ATRNL1: variants seen among roughly 807,000 people sequenced by gnomAD.
The protein encoded by ATRNL1 is attractin-like protein 1.
Under a neutral mutation model 182.7 loss-of-function variants are expected in ATRNL1, and 95 were observed. That is an observed-to-expected ratio of 0.52 (90% CI 0.44 to 0.62). The LOEUF (loss-of-function observed/expected upper bound fraction) is 0.62. Among genes scored for constraint, ATRNL1 ranks in the 20% least tolerant of loss-of-function variants. ATRNL1 has a pLI of 0.00. For synonymous variants in ATRNL1, 576 were observed against 568.3 expected (o/e 1.01, Z -0.19); for missense variants, 1,471 against 1,679.5 (o/e 0.88, Z 2.17).
chr10:115,679,809 G>T (rs1331469237), intron 26 of ATRNL1, among the ~76,000 whole-genome samples: 5 of 151,902 alleles, frequency 3.3e-5, no homozygotes, highest in African/African-American at 1.2e-4. Flanking sequence ...AAAATTGCAA[G>T]GCCTCAAATT....
chr10:115,572,134 A>T (rs996256976), intron 26 of ATRNL1, among the ~76,000 whole-genome samples: 4 of 152,178 alleles, frequency 2.6e-5, no homozygotes, highest in Non-Finnish European at 5.9e-5. Flanking sequence ...AATGACAGTT[A>T]TATTACTCTA....
At chr10:115,601,436 T>G (rs908907253) in intron 26 of ATRNL1, among the ~76,000 whole-genome samples, 1 of 152,220 alleles carries the variant, frequency 6.6e-6, no homozygotes. Flanking sequence ...GCTTATGTTC[T>G]GTCTGCTTAT....
intron 28 of ATRNL1, among the ~76,000 whole-genome samples, chr10:115,896,953 G>T (rs1952223674): frequency 6.6e-6 from 1 of 152,104 alleles, no homozygotes; most frequent in African/African-American, 2.4e-5. Context: ...GCTGGTGACT[G>T]CAACACTGAC....
intron 8 of ATRNL1, among the ~76,000 whole-genome samples, chr10:115,184,461 G>C (rs1179649332): frequency 2.7e-5 from 4 of 150,804 alleles, no homozygotes; most frequent in Non-Finnish European, 5.9e-5. Flanking sequence ...TAACTATGAA[G>C]TAGTAATATA....
intron 1 of ATRNL1, among the ~76,000 whole-genome samples, chr10:115,099,944 A>G (rs1370746060): frequency 2.0e-5 from 3 of 152,292 alleles, no homozygotes; most frequent in African/African-American, 7.2e-5. Context: ...TTTTAAATTG[A>G]TTAATTCCAG....
chr10:115,135,388 A>G (rs1433409393), intron 5 of ATRNL1, among the ~76,000 whole-genome samples: 4 of 152,230 alleles, frequency 2.6e-5, no homozygotes, highest in African/African-American at 9.6e-5. Flanking sequence ...TTATACACCA[A>G]TAACATTCAA....
rs201735786 is a variant in ATRNL1 at position 115,469,211 on chromosome 10, A to C, written c.3536A>C (p.Lys1179Thr). 7.2e-7 allele frequency: 1 copy of C among 1,386,240 alleles called. No individual in the cohort carries two copies. Among genetic ancestry groups the C allele is most frequent in the Non-Finnish European group, 9.6e-7 (1 of 1,038,710 alleles). The allele number at this position is 1,386,240 out of a possible 1,614,324, so 85.9% of individuals were successfully genotyped here. ...GGGGAAGAGACTTCTATAGTTTCCA[A>C]GAATAATATAAAGGAATACAGAGAT... ...ISGEETSIVS[K>T]NNIKEYRDSF... Residue 1179 changes from lysine to threonine, a missense_variant, in exon 24 of 29, where the codon AAG (lysine) becomes ACG (threonine). Physicochemically the swap from Lys to Thr is moderately conservative, Grantham distance 78. Around this residue, in one of 3 missense-constraint regions of ATRNL1, gnomAD observed 437 missense variants for 506.0 expected, o/e 0.86. Coordinates refer to ENST00000355044, the MANE Select transcript of ATRNL1 (RefSeq NM_207303.4).
intron 26 of ATRNL1, among the ~76,000 whole-genome samples, chr10:115,582,367 TAA>T (rs1555007929): frequency 1.4e-5 from 2 of 140,788 alleles, no homozygotes; most frequent in Non-Finnish European, 3.1e-5. Context: ...ACCAACAGTG[TAA>T]AAGTGTTCCT....
intron 20 of ATRNL1, among the ~76,000 whole-genome samples, chr10:115,424,240 C>T (rs1229605627): frequency 1.3e-5 from 2 of 152,112 alleles, no homozygotes; most frequent in Non-Finnish European, 2.9e-5. Context: ...TACCACCTCA[C>T]ACTAGTTAGA....
intron 20 of ATRNL1, among the ~76,000 whole-genome samples, chr10:115,400,060 TAA>T: frequency 6.6e-6 from 1 of 151,956 alleles, no homozygotes; most frequent in Non-Finnish European, 1.5e-5. Context: ...CTATCATCTA[TAA>T]GGAATTTAAA....
chr10:115,698,923 TAAACTA>T (rs1946648410), intron 26 of ATRNL1, among the ~76,000 whole-genome samples: 1 of 152,144 alleles, frequency 6.6e-6, no homozygotes, highest in African/African-American at 2.4e-5. Context: ...AGTAGCCAGA[TAAACTA>T]AATACACTAA....
At chr10:115,429,794 G>T (rs1419339078) in intron 21 of ATRNL1, among the ~76,000 whole-genome samples, 1 of 152,046 alleles carries the variant, frequency 6.6e-6, no homozygotes, top group Non-Finnish European at 1.5e-5. Context: ...CTGGCCGGGC[G>T]CTGTGGCTCA....
At chr10:115,274,098 G>A (rs1394845514) in intron 13 of ATRNL1, among the ~76,000 whole-genome samples, 1 of 152,126 alleles carries the variant, frequency 6.6e-6, no homozygotes, top group Non-Finnish European at 1.5e-5. Context: ...AATCCTAAGG[G>A]TCTGCACTAT....
intron 26 of ATRNL1, among the ~76,000 whole-genome samples, chr10:115,686,578 A>T (rs1323276341): frequency 1.3e-5 from 2 of 152,034 alleles, no homozygotes; most frequent in Non-Finnish European, 2.9e-5. Flanking sequence ...ACTATTACTT[A>T]GTATGATGCT....
chr10:115,133,550 A>T (rs1169851465), intron 5 of ATRNL1, among the ~76,000 whole-genome samples: 1 of 152,168 alleles, frequency 6.6e-6, no homozygotes, highest in East Asian at 1.9e-4. Context: ...TCATAAAGCA[A>T]GTCCTTAGAG....
chr10:115,698,122 C>T (rs782388319), intron 26 of ATRNL1, among the ~76,000 whole-genome samples: 4 of 151,934 alleles, frequency 2.6e-5, no homozygotes, highest in Non-Finnish European at 5.9e-5. Flanking sequence ...TTTGGCTGTA[C>T]AACAATCAGA....
intron 9 of ATRNL1, among the ~76,000 whole-genome samples, chr10:115,218,251 T>C (rs1849307400): frequency 6.6e-6 from 1 of 151,866 alleles, no homozygotes; most frequent in African/African-American, 2.4e-5. Context: ...TACTCCATAA[T>C]CTCATTTTGG....
intron 19 of ATRNL1, among the ~76,000 whole-genome samples, chr10:115,368,529 C>T (rs376492314): frequency 1.1e-3 from 169 of 152,244 alleles, no homozygotes; most frequent in African/African-American, 3.6e-3. Flanking sequence ...TGTTCCTATT[C>T]GGCCATCTTG....
intron 18 of ATRNL1, among the ~76,000 whole-genome samples, chr10:115,322,030 A>G (rs1357770971): frequency 6.6e-6 from 1 of 152,118 alleles, no homozygotes; most frequent in Non-Finnish European, 1.5e-5. Context: ...ACAAATAATT[A>G]AAATACTTAG....
Sources: gnomAD v4.1 joint callset for allele counts (sites outside exome capture counted in the v4.1 genomes callset) on GRCh38, gnomAD v4.1.1 for gene constraint, gnomAD v4.1.1 regional missense constraint, MANE v1.5 for transcripts, NCBI Gene and HGNC (gene_info 2026-07-23, HGNC 2026-07-21) for gene names.